JARID2: variants seen among roughly 807,000 people sequenced by gnomAD.
JARID2 encodes protein Jumonji.
In JARID2, 21 loss-of-function variants were observed where a neutral mutation model predicts 125.6. The observed-to-expected ratio is 0.17, with a 90% CI of 0.12 to 0.24. The LOEUF (loss-of-function observed/expected upper bound fraction) is 0.24. Ranked by LOEUF, JARID2 falls within the 10% of genes least tolerant of loss-of-function variation. The probability of loss-of-function intolerance (pLI) is 1.00; values close to 1 mark genes in which losing one functional copy is unlikely to be tolerated. For missense variants in JARID2, 1,303 were observed against 1,639.6 expected (o/e 0.79, Z 3.55); for synonymous variants, 736 against 661.6 (o/e 1.11, Z -1.73).
At chr6:15,406,698 C>T (rs1242680177) in intron 2 of JARID2, among the ~76,000 whole-genome samples, 1 of 152,192 alleles carries the variant, frequency 6.6e-6, no homozygotes, top group South Asian at 2.1e-4. Flanking sequence ...ATTTTGCTTA[C>T]ATAAAATCGT....
At chr6:15,331,399 A>G (rs1762704730) in intron 1 of JARID2, among the ~76,000 whole-genome samples, 1 of 152,118 alleles carries the variant, frequency 6.6e-6, no homozygotes, top group Admixed American at 6.5e-5. Flanking sequence ...GTGAAGGAAA[A>G]CAGAAAGAGT....
intron 1 of JARID2, among the ~76,000 whole-genome samples, chr6:15,249,334 T>TG (rs533540269): frequency 9.9e-5 from 15 of 151,708 alleles, no homozygotes; most frequent in African/African-American, 1.2e-4. Context: ...GGTACTACGG[T>TG]GGGGGGGCTT....
chr6:15,512,629 T>C (rs879700122), intron 14 of JARID2, among the ~76,000 whole-genome samples: 21 of 152,106 alleles, frequency 1.4e-4, no homozygotes, highest in Non-Finnish European at 2.9e-4. Flanking sequence ...CCCTCCAGTA[T>C]TGGAAAACTG....
chr6:15,364,169 T>G (rs993983642), intron 1 of JARID2, among the ~76,000 whole-genome samples: 8 of 152,192 alleles, frequency 5.3e-5, no homozygotes, highest in African/African-American at 1.9e-4. Context: ...AGGCATTGAT[T>G]GATCTCATAA....
At chr6:15,451,486 C>T (rs1056472956) in intron 3 of JARID2, among the ~76,000 whole-genome samples, 3 of 152,080 alleles carry the variant, frequency 2.0e-5, no homozygotes, top group East Asian at 1.9e-4. Context: ...TTTTCGTGGC[C>T]GAATTTAGAA....
At chr6:15,389,653 T>G (rs1764925350) in intron 2 of JARID2, among the ~76,000 whole-genome samples, 1 of 152,194 alleles carries the variant, frequency 6.6e-6, no homozygotes, top group Non-Finnish European at 1.5e-5. Flanking sequence ...GGCTCTCAGC[T>G]GGCACTTTCT....
At chr6:15,352,011 A>G (rs1012340539) in intron 1 of JARID2, among the ~76,000 whole-genome samples, 3 of 152,012 alleles carry the variant, frequency 2.0e-5, no homozygotes, top group Non-Finnish European at 4.4e-5. Flanking sequence ...TGAGGCTGTG[A>G]GGCATTTAAA....
intron 1 of JARID2, among the ~76,000 whole-genome samples, chr6:15,284,590 G>A (rs928121465): frequency 2.0e-5 from 3 of 150,508 alleles, no homozygotes; most frequent in South Asian, 2.1e-4. Flanking sequence ...GGGTTCCAGC[G>A]ATTCTCCTGC....
At chr6:15,466,061 C>T (rs1768717096) in intron 4 of JARID2, among the ~76,000 whole-genome samples, 1 of 152,164 alleles carries the variant, frequency 6.6e-6, no homozygotes, top group African/African-American at 2.4e-5. Context: ...GCCTTGGCTT[C>T]CCAAAGTGCT....
chr6:15,264,417 G>T (rs1305900486), intron 1 of JARID2, among the ~76,000 whole-genome samples: 1 of 152,010 alleles, frequency 6.6e-6, no homozygotes, highest in African/African-American at 2.4e-5. Context: ...CTTTACTAAT[G>T]GTATTAATCA....
intron 2 of JARID2, among the ~76,000 whole-genome samples, chr6:15,407,167 T>C (rs1311051161): frequency 5.3e-5 from 8 of 151,996 alleles, no homozygotes; most frequent in African/African-American, 1.9e-4. Context: ...GAGGCTGGCT[T>C]GAGCCTAGGA....
At chr6:15,383,867 T>C (rs556494154) in intron 2 of JARID2, among the ~76,000 whole-genome samples, 4 of 152,354 alleles carry the variant, frequency 2.6e-5, no homozygotes, top group African/African-American at 9.6e-5. Context: ...CGACCTTGGC[T>C]CACTGCACCC....
chr6:15,493,498 T>C (rs1029713147), intron 6 of JARID2, among the ~76,000 whole-genome samples: 1 of 152,152 alleles, frequency 6.6e-6, no homozygotes, highest in African/African-American at 2.4e-5. Context: ...TGTGTCCGTC[T>C]CCTTAAGGAG....
chr6:15,267,873 C>T (rs1265751565), intron 1 of JARID2, among the ~76,000 whole-genome samples: 2 of 151,978 alleles, frequency 1.3e-5, no homozygotes, highest in Non-Finnish European at 2.9e-5. Context: ...CTGCATTCAG[C>T]GGAGGATTTA....
chr6:15,455,206 A>C (rs896576656), intron 4 of JARID2, among the ~76,000 whole-genome samples: 1 of 151,950 alleles, frequency 6.6e-6, no homozygotes, highest in Non-Finnish European at 1.5e-5. Context: ...AAAAAAAAAA[A>C]AACAATGGTG....
intron 8 of JARID2, among the ~76,000 whole-genome samples, 171 bp from the exon 9 acceptor site, chr6:15,504,329 G>T (rs1278523663): frequency 6.6e-6 from 1 of 152,200 alleles, no homozygotes; most frequent in Non-Finnish European, 1.5e-5. Flanking sequence ...GGCACTGCGG[G>T]TTCTTAGAGA....
chr6:15,252,605 C>G (rs1354601452), intron 1 of JARID2, among the ~76,000 whole-genome samples: 1 of 152,184 alleles, frequency 6.6e-6, no homozygotes, highest in East Asian at 1.9e-4. Flanking sequence ...AGTTCAGAAG[C>G]TTCTATCTTG....
chr6:15,257,803 GA>G (rs1759723823), intron 1 of JARID2, among the ~76,000 whole-genome samples: 1 of 152,206 alleles, frequency 6.6e-6, no homozygotes, highest in African/African-American at 2.4e-5. Context: ...AAGTAGTAAA[GA>G]TGTCAGTTGA....
At position 15,413,002 on chromosome 6, in the gene JARID2, G is replaced by GGTTTT. The variant is rs1765951845; in HGVS notation, c.323+2637_323+2638insGTTTT. Among the ~76,000 whole-genome samples, 17 of 46,564 alleles carry GGTTTT rather than the reference G, an allele frequency of 3.7e-4. 2 individuals carry two copies. Among genetic ancestry groups the GGTTTT allele is most frequent in the African/African-American group, 1.5e-3 (16 of 10,772 alleles). The allele number at this position is 46,564 out of a possible 152,430, so 30.5% of individuals were successfully genotyped here. ...AACATTATACATGGGAAGAGCTTGT[G>GGTTTT]TTTTTGTTTTTTTTTTTTTTGTTTT... On this transcript the variant is annotated intron_variant, in intron 3 of 17. Transcript: ENST00000341776.
Sources: allele counts gnomAD v4.1 joint callset (sites outside exome capture counted in the v4.1 genomes callset), GRCh38; gene constraint gnomAD v4.1.1; transcripts MANE v1.5; gene names NCBI Gene and HGNC (gene_info 2026-07-23, HGNC 2026-07-21).